The following ADAMTS6 variants were observed in gnomAD, a reference collection of about 807,000 sequenced individuals.
The protein encoded by ADAMTS6 is ADAM metallopeptidase with thrombospondin type 1 motif 6, also known as A disintegrin and metalloproteinase with thrombospondin motifs 6.
A neutral mutation model predicts 144.3 loss-of-function variants in ADAMTS6; 23 were observed. That is an observed-to-expected ratio of 0.16 (90% CI 0.11 to 0.23). ADAMTS6 has a LOEUF of 0.23. ADAMTS6 is among the 10% of genes least tolerant of loss of function. ADAMTS6 has a pLI of 1.00. For synonymous variants in ADAMTS6, 444 were observed against 457.5 expected, an observed-to-expected ratio of 0.97 and a Z score of 0.38; for missense variants, 999 against 1,379.6, an observed-to-expected ratio of 0.72 and a Z score of 4.37.
At chr5:65,350,559 T>C (rs1294313299) in intron 7 of ADAMTS6, among the ~76,000 whole-genome samples, 3 of 152,146 alleles carry the variant, frequency 2.0e-5, no homozygotes, top group African/African-American at 7.2e-5. Flanking sequence ...CATTTTTTAT[T>C]CATATTTATG....
At chr5:65,285,739 C>G (rs1022412396) in intron 11 of ADAMTS6, among the ~76,000 whole-genome samples, 11 of 151,966 alleles carry the variant, frequency 7.2e-5, no homozygotes. Context: ...GTGTATGTGT[C>G]TGTGTGTGCA....
At chr5:65,210,344 G>C (rs1468134651) in intron 20 of ADAMTS6, 1 of 162,928 alleles carries the variant, frequency 6.1e-6, no homozygotes, top group Non-Finnish European at 1.3e-5. Context: ...CCAGCTACAC[G>C]GGAGGCTGAG....
intron 4 of ADAMTS6, among the ~76,000 whole-genome samples, chr5:65,453,464 G>A (rs1354957421): frequency 6.6e-6 from 1 of 152,120 alleles, no homozygotes; most frequent in Admixed American, 6.6e-5. Context: ...TTTTCACTTA[G>A]GTTGGCAGTC....
chr5:65,160,212 T>C (rs1361187813), intron 24 of ADAMTS6, among the ~76,000 whole-genome samples: 1 of 152,178 alleles, frequency 6.6e-6, no homozygotes, highest in Non-Finnish European at 1.5e-5. Flanking sequence ...CCTCGTACTA[T>C]GAGTCATGGG....
intron 14 of ADAMTS6, among the ~76,000 whole-genome samples, chr5:65,252,965 G>A (rs1461464874): frequency 1.3e-5 from 2 of 152,018 alleles, no homozygotes; most frequent in African/African-American, 4.8e-5. Flanking sequence ...TCAGCTTACT[G>A]TAGCCTCAAC....
At chr5:65,247,295 T>A in intron 14 of ADAMTS6, among the ~76,000 whole-genome samples, 1 of 152,198 alleles carries the variant, frequency 6.6e-6, no homozygotes, top group African/African-American at 2.4e-5. Context: ...AACTATCTTG[T>A]TTAGAAGTAT....
chr5:65,172,712 T>TA, intron 23 of ADAMTS6, 120 bp downstream of exon 23: 1 of 1,202,468 alleles, frequency 8.3e-7, no homozygotes, highest in Admixed American at 2.6e-5. Flanking sequence ...GCCTCATACT[T>TA]AGACTTCTAC....
At chr5:65,298,315 A>C (rs1031662928) in intron 10 of ADAMTS6, among the ~76,000 whole-genome samples, 4 of 152,146 alleles carry the variant, frequency 2.6e-5, no homozygotes, top group Non-Finnish European at 4.4e-5. Context: ...ACAAAACAAA[A>C]AAACAAACAA....
chr5:65,332,312 T>TATAGAGAGAG (rs1384467152), intron 8 of ADAMTS6, among the ~76,000 whole-genome samples: 1 of 102,090 alleles, frequency 9.8e-6, no homozygotes, highest in Non-Finnish European at 2.1e-5. Context: ...TATATATATA[T>TATAGAGAGAG]AGAGAGAGAG....
At chr5:65,440,683 GT>G (rs748160069) in intron 7 of ADAMTS6, among the ~76,000 whole-genome samples, 1 of 152,064 alleles carries the variant, frequency 6.6e-6, no homozygotes, top group Non-Finnish European at 1.5e-5. Context: ...AGGATTAGAG[GT>G]AATAATGCCT....
chr5:65,396,118 G>T (rs1272331362), intron 7 of ADAMTS6, among the ~76,000 whole-genome samples: 1 of 151,942 alleles, frequency 6.6e-6, no homozygotes. Context: ...TTCATCATAG[G>T]AAATTTACAG....
intron 9 of ADAMTS6, among the ~76,000 whole-genome samples, chr5:65,312,922 G>C (rs1454526667): frequency 6.6e-6 from 1 of 151,824 alleles, no homozygotes; most frequent in Non-Finnish European, 1.5e-5. Flanking sequence ...AGGAAACTTT[G>C]GCCATTGTAG....
Position 65,389,128 on chromosome 5 carries a change from C to T in ADAMTS6, c.1074-55043G>A, listed in dbSNP as rs181050859. Among the ~76,000 whole-genome samples, 351 of 152,084 alleles carry T rather than the reference C, an allele frequency of 2.3e-3. 4 individuals carry two copies. Among genetic ancestry groups the T allele is most frequent in the African/African-American group, 8.2e-3 (341 of 41,500 alleles). On this transcript the variant is annotated intron_variant, in intron 7 of 24. Transcript: ENST00000381055. The stretch of plus-strand genomic sequence containing the variant: ...CTGAGGCACCAGAATGGCGTGAACC[C>T]GGGAGGCGGAGCTTGCAGTGAGCTG...
At chr5:65,332,306 T>TAGAGAG (rs1465957918) in intron 8 of ADAMTS6, among the ~76,000 whole-genome samples, 3 of 120,660 alleles carry the variant, frequency 2.5e-5, no homozygotes, top group South Asian at 5.8e-4. Flanking sequence ...TATATATATA[T>TAGAGAG]ATATATAGAG....
Position 65,334,149 on chromosome 5 carries a change from C to T in ADAMTS6, c.1074-64G>A, listed in dbSNP as rs1747074975. On this transcript the variant is annotated intron_variant, in intron 7 of 24. Coordinates refer to ENST00000381055, the MANE Select transcript of ADAMTS6 (RefSeq NM_197941.4). Reference sequence around the variant, plus strand: ...GATTTGTAACATATTTTTCTATATTCATCATACTTCTCTCCTGAAGTTGTC... The same window carrying T: ...GATTTGTAACATATTTTTCTATATTTATCATACTTCTCTCCTGAAGTTGTC... 4.1e-6 allele frequency: 6 copies of T among 1,448,272 alleles called. No individual in the cohort carries two copies. The East Asian group carries it at 1.0e-4, about 25-fold the overall frequency. 89.7% of individuals were successfully genotyped at this position (1,448,272 alleles called of 1,614,324 possible).
At chr5:65,374,968 T>A (rs972387416) in intron 7 of ADAMTS6, among the ~76,000 whole-genome samples, 3 of 152,132 alleles carry the variant, frequency 2.0e-5, no homozygotes, top group Non-Finnish European at 4.4e-5. Flanking sequence ...TATCTACAAC[T>A]ATCTGATCTT....
At position 65,320,586 on chromosome 5, in the gene ADAMTS6, C is replaced by T. The variant is rs184569021; in HGVS notation, c.1223+8792G>A. 4.7e-5 allele frequency among the ~76,000 whole-genome samples: 7 copies of T among 149,272 alleles called. No homozygotes were observed. The East Asian group carries it at 1.4e-3, about 29-fold the overall frequency. On this transcript the variant is annotated intron_variant, in intron 9 of 24. Coordinates refer to ENST00000381055, the MANE Select transcript of ADAMTS6 (RefSeq NM_197941.4). The stretch of plus-strand genomic sequence containing the variant: ...TTTTTTACTTTTAAGTTCAAGGGTA[C>T]AAGTGAAGGTTTGTTACATAGGTAA...
chr5:65,398,985 C>T (rs376714595), intron 7 of ADAMTS6, among the ~76,000 whole-genome samples: 2 of 152,006 alleles, frequency 1.3e-5, no homozygotes, highest in African/African-American at 4.8e-5. Context: ...TGGCTGGGTG[C>T]GGTGGCTCAT....
At chr5:65,213,129 A>G (rs1316650249) in intron 20 of ADAMTS6, among the ~76,000 whole-genome samples, 2 of 152,238 alleles carry the variant, frequency 1.3e-5, no homozygotes, top group African/African-American at 2.4e-5. Context: ...AAAACTTTAC[A>G]TTACAAATCA....
Sources: gnomAD v4.1 joint callset for allele counts (sites outside exome capture counted in the v4.1 genomes callset) on GRCh38, gnomAD v4.1.1 for gene constraint, MANE v1.5 for transcripts, NCBI Gene and HGNC (gene_info 2026-07-23, HGNC 2026-07-21) for gene names.